Variants in KDM4C observed in about 807,000 individuals in gnomAD.
KDM4C encodes lysine demethylase 4C.
Under a neutral mutation model 129.3 loss-of-function variants are expected in KDM4C, and 81 were observed. That is an observed-to-expected ratio of 0.63 (90% CI 0.52 to 0.75). The LOEUF (loss-of-function observed/expected upper bound fraction) is 0.75, where lower values mean the gene tolerates loss of function less well. Ranked by LOEUF, KDM4C falls within the 30% of genes least tolerant of loss-of-function variation. The pLI, the probability that KDM4C is intolerant of heterozygous loss-of-function variation, is 0.00. For missense variants in KDM4C, 1,457 were observed against 1,304.0 expected (o/e 1.12, Z -1.81); for synonymous variants, 573 against 456.1 (o/e 1.26, Z -3.26).
At chr9:7,145,298 A>C (rs773167750) in intron 19 of KDM4C, among the ~76,000 whole-genome samples, 1 of 152,080 alleles carries the variant, frequency 6.6e-6, no homozygotes, top group Non-Finnish European at 1.5e-5. Flanking sequence ...CTAGAATGGG[A>C]CTTGAAAATT....
intron 12 of KDM4C, among the ~76,000 whole-genome samples, chr9:7,001,100 G>A (rs536974179): frequency 6.6e-6 from 1 of 152,320 alleles, no homozygotes; most frequent in East Asian, 1.9e-4. Context: ...TTTTCATAGA[G>A]TTGTTTTAGT....
intron 17 of KDM4C, among the ~76,000 whole-genome samples, chr9:7,098,505 A>T (rs940639621): frequency 6.6e-6 from 1 of 152,182 alleles, no homozygotes; most frequent in Non-Finnish European, 1.5e-5. Context: ...AGGACTTATC[A>T]TGTTATGACC....
upstream of KDM4C, among the ~76,000 whole-genome samples, chr9:6,755,450 A>T (rs1818211911): frequency 6.6e-6 from 1 of 152,052 alleles, no homozygotes; most frequent in African/African-American, 2.4e-5. Flanking sequence ...ATGAGGCACA[A>T]GGCACGAGAA....
intron 1 of KDM4C, among the ~76,000 whole-genome samples, chr9:6,763,051 G>A (rs1003009614): frequency 6.6e-6 from 1 of 151,954 alleles, no homozygotes; most frequent in Non-Finnish European, 1.5e-5. Context: ...GATGGATGGG[G>A]GGTAGAGGGG....
intron 8 of KDM4C, among the ~76,000 whole-genome samples, chr9:6,927,204 A>G (rs544043663): frequency 6.6e-6 from 1 of 152,032 alleles, no homozygotes; most frequent in South Asian, 2.1e-4. Context: ...GTCTTGGCTC[A>G]CTGCAACCTC....
chr9:7,093,553 C>T (rs956182072), intron 17 of KDM4C, among the ~76,000 whole-genome samples: 2 of 152,084 alleles, frequency 1.3e-5, no homozygotes, highest in Admixed American at 6.5e-5. Flanking sequence ...TTGGATGGTC[C>T]GCATTTTTCA....
chr9:7,072,677 A>G (rs988885560), intron 17 of KDM4C, among the ~76,000 whole-genome samples: 1 of 152,238 alleles, frequency 6.6e-6, no homozygotes. Context: ...ACTGTGGTGT[A>G]TCTTGATTGT....
intron 1 of KDM4C, among the ~76,000 whole-genome samples, chr9:6,727,969 C>T (rs1273261158): frequency 6.7e-6 from 1 of 149,550 alleles, no homozygotes; most frequent in South Asian, 2.1e-4. Context: ...CTGCAAGAAC[C>T]TCCCCTTTCC....
intron 18 of KDM4C, 57 bp downstream of exon 18, chr9:7,103,927 T>G: frequency 6.9e-7 from 1 of 1,457,836 alleles, no homozygotes; most frequent in South Asian, 1.2e-5. Flanking sequence ...TTCTCCTGTT[T>G]TAGACTACCT....
At chr9:7,150,607 G>C (rs1223228231) in intron 19 of KDM4C, among the ~76,000 whole-genome samples, 1 of 152,184 alleles carries the variant, frequency 6.6e-6, no homozygotes, top group African/African-American at 2.4e-5. Context: ...GAAGGAGAAG[G>C]CAGGAATGCA....
At chr9:6,773,436 G>T (rs1347633934) in intron 1 of KDM4C, among the ~76,000 whole-genome samples, 1 of 152,094 alleles carries the variant, frequency 6.6e-6, no homozygotes, top group Non-Finnish European at 1.5e-5. Flanking sequence ...TACCAAATGA[G>T]CTACACTTGA....
At chr9:7,078,848 T>C (rs962959365) in intron 17 of KDM4C, among the ~76,000 whole-genome samples, 6 of 152,198 alleles carry the variant, frequency 3.9e-5, no homozygotes, top group African/African-American at 9.7e-5. Flanking sequence ...GATTGGATGA[T>C]TGACTGGGAG....
Position 6,849,644 on chromosome 9 carries a change from C to G in KDM4C, c.573C>G (p.Thr191=), listed in dbSNP as rs145591538. 4 of 1,613,322 alleles carry G rather than the reference C, an allele frequency of 2.5e-6. No individual in the cohort carries two copies. The highest frequency in any genetic ancestry group is 1.7e-5 in the Admixed American group (1 of 60,006). ...GGAAGACCACGTTTGCATGGCACAC[C>G]GAAGACATGGACCTCTATAGCATTA... ...GMWKTTFAWH[T]EDMDLYSINY... Residue 191 remains threonine, a synonymous_variant, in exon 5 of 22, where the codon ACC becomes ACG. Transcript: ENST00000381309.
chr9:6,775,481 A>C (rs773384779), intron 1 of KDM4C, among the ~76,000 whole-genome samples: 67 of 152,034 alleles, frequency 4.4e-4, no homozygotes, highest in Non-Finnish European at 9.3e-4. Flanking sequence ...ATTATTGTAC[A>C]TGTCTATTGT....
At chr9:6,972,494 T>C (rs1832169627) in intron 8 of KDM4C, among the ~76,000 whole-genome samples, 1 of 152,174 alleles carries the variant, frequency 6.6e-6, no homozygotes, top group Non-Finnish European at 1.5e-5. Flanking sequence ...TAAAATTAAG[T>C]TGGTGTATTA....
chr9:6,839,066 A>T (rs115269363), intron 4 of KDM4C, among the ~76,000 whole-genome samples: 1 of 152,186 alleles, frequency 6.6e-6, no homozygotes, highest in African/African-American at 2.4e-5. Flanking sequence ...TTCCAGCTGT[A>T]TGAATTTGTG....
chr9:6,970,368 T>C (rs535550197), intron 8 of KDM4C, among the ~76,000 whole-genome samples: 1 of 152,366 alleles, frequency 6.6e-6, no homozygotes, highest in East Asian at 1.9e-4. Context: ...ACTGTAATTG[T>C]ACCTGTTGGG....
chr9:6,828,947 C>G (rs1834347654), intron 4 of KDM4C, among the ~76,000 whole-genome samples: 1 of 152,200 alleles, frequency 6.6e-6, no homozygotes, highest in South Asian at 2.1e-4. Flanking sequence ...CTTTACCTCT[C>G]AACTGTTAAA....
intron 3 of KDM4C, among the ~76,000 whole-genome samples, chr9:6,807,141 C>G (rs572239116): frequency 1.3e-5 from 2 of 151,946 alleles, no homozygotes; most frequent in Non-Finnish European, 2.9e-5. Context: ...CCGCCAGCCT[C>G]GGCCTCCCGA....
Sources: allele counts gnomAD v4.1 joint callset (sites outside exome capture counted in the v4.1 genomes callset), GRCh38; gene constraint gnomAD v4.1.1; transcripts MANE v1.5; gene names NCBI Gene and HGNC (gene_info 2026-07-23, HGNC 2026-07-21).